The following CD81 variants were observed in gnomAD, a reference collection of about 807,000 sequenced individuals.
The protein encoded by CD81 is CD81 molecule.
In CD81, 10 loss-of-function variants were observed where a neutral mutation model predicts 30.1. The observed-to-expected ratio is 0.33, with a 90% CI of 0.21 to 0.56. The LOEUF (loss-of-function observed/expected upper bound fraction) is 0.56. Among genes scored for constraint, CD81 ranks in the 20% least tolerant of loss-of-function variants. CD81 has a pLI of 0.89. For missense variants in CD81, 263 were observed against 308.7 expected, an observed-to-expected ratio of 0.85 and a Z score of 1.11; for synonymous variants, 147 against 126.4, an observed-to-expected ratio of 1.16 and a Z score of -1.10.
In CD81 at chr11:2,396,709, A is replaced by G; in HGVS notation, c.643A>G (p.Ile215Val). 1 of 1,611,766 alleles carries G rather than the reference A, an allele frequency of 6.2e-7. No homozygotes were observed. The change falls in exon 7 of 8, where the codon ATC (isoleucine) becomes GTC (valine). Residue 215 changes from isoleucine to valine, a missense_variant. This residue lies in a region of CD81 where 176 missense variants were observed against 192.9 expected (regional missense o/e 0.91). Coordinates refer to ENST00000263645, the MANE Select transcript of CD81 (RefSeq NM_004356.4). ...IGIAAIVVAV[I>V]MIFEMILSMV... is the part of the protein sequence containing the mutation. ...CATTGCTGCCATCGTGGTCGCTGTG[A>G]TCATGGTGAGCGGGCGGGGGCGGAG...
chr11:2,394,024 C>A (rs1002124521), intron 2 of CD81, 71 bp from the exon 3 acceptor site: 1 of 1,264,802 alleles, frequency 7.9e-7, no homozygotes, highest in African/African-American at 1.5e-5. Flanking sequence ...GGGTTCGGCA[C>A]CCAGGACCCT....
intron 1 of CD81, among the ~76,000 whole-genome samples, chr11:2,383,007 G>A (rs1849729074): frequency 1.3e-5 from 2 of 152,198 alleles, no homozygotes; most frequent in South Asian, 4.1e-4. Flanking sequence ...CACCCCTGAT[G>A]CCTGGGAGAC....
At chr11:2,376,495 A>C (rs939182575), upstream of CD81, 4 of 152,358 alleles carry the variant, frequency 2.6e-5, no homozygotes, top group African/African-American at 9.6e-5. Flanking sequence ...CACTCTCTGA[A>C]TCATTAGCCC....
At chr11:2,387,460 C>A (rs1364930003) in intron 1 of CD81, among the ~76,000 whole-genome samples, 3 of 152,240 alleles carry the variant, frequency 2.0e-5, no homozygotes, top group South Asian at 2.1e-4. Context: ...CTCGGCCTCG[C>A]CACCTCCTCC....
At chr11:2,390,365 GCTGCAGTGCTCTT>G in intron 1 of CD81, 34 bp from the exon 2 acceptor site, 1 of 1,440,414 alleles carries the variant, frequency 6.9e-7, no homozygotes, top group Non-Finnish European at 9.8e-7. Context: ...CGCACTCCCT[GCTGCAGTGCTCTT>G]CGTACATGTG....
Position 2,396,649 on chromosome 11 carries a change from G to T in CD81, c.583G>T (p.Asp195Tyr). Residue 195 changes from aspartate (D) to tyrosine (Y), a missense_variant, in exon 7 of 8, where the codon GAT (aspartate) becomes TAT (tyrosine). Transcript: ENST00000263645. ...LFKEDCHQKIDDLFSGKLYLI... is the reference protein window; with the variant it reads ...LFKEDCHQKIYDLFSGKLYLI... ...GCAGGAGGACTGCCACCAGAAGATC[G>T]ATGACCTCTTCTCCGGGAAGCTGTA... 1 of 1,611,614 alleles carries T rather than the reference G, an allele frequency of 6.2e-7. No homozygotes were observed.
intron 1 of CD81, among the ~76,000 whole-genome samples, chr11:2,383,699 G>A (rs970536099): frequency 4.6e-5 from 7 of 152,248 alleles, no homozygotes; most frequent in South Asian, 2.1e-4. Flanking sequence ...CTCCCCAAGA[G>A]CATCAAGGGA....
At position 2,378,779 on chromosome 11, in the gene CD81, T is replaced by C. The variant is rs1157681853; in HGVS notation, c.66+1164T>C. 6.6e-6 allele frequency among the ~76,000 whole-genome samples: 1 copy of C among 152,148 alleles called. No homozygotes were observed. The highest frequency in any genetic ancestry group is 2.4e-5 in the African/African-American group (1 of 41,428). On this transcript the variant is annotated intron_variant, in intron 1 of 7. Coordinates refer to ENST00000263645, the MANE Select transcript of CD81 (RefSeq NM_004356.4). The surrounding 1 kb of genome is among the most constrained non-coding windows in gnomAD (Gnocchi z 4.9). Reference sequence around the variant, plus strand: ...GCTGATGTCCCAGTGGACCGAGTGTTTCTCAAGTTGAGGCAGGGAGGGCAA... The same window carrying C: ...GCTGATGTCCCAGTGGACCGAGTGTCTCTCAAGTTGAGGCAGGGAGGGCAA...
intron 1 of CD81, chr11:2,386,062 A>G (rs895222861): frequency 2.8e-6 from 2 of 717,334 alleles, no homozygotes; most frequent in Non-Finnish European, 5.2e-6. Flanking sequence ...CCCCAGCAGC[A>G]TGTGGTGTGG....
intron 5 of CD81, 102 bp downstream of exon 5, chr11:2,395,622 G>A (rs1310033451): frequency 2.1e-6 from 2 of 970,416 alleles, no homozygotes; most frequent in South Asian, 1.3e-5. Flanking sequence ...CTCAGGAGCA[G>A]GAGGTGCCCT....
chr11:2,387,703 CG>C (rs1369271459), intron 1 of CD81, among the ~76,000 whole-genome samples: 1 of 152,168 alleles, frequency 6.6e-6, no homozygotes, highest in African/African-American at 2.4e-5. Flanking sequence ...GAGGGGCACA[CG>C]TGGGGTCCCA....
intron 1 of CD81, chr11:2,390,096 A>C (rs1849870751): frequency 2.0e-6 from 1 of 489,754 alleles, no homozygotes; most frequent in Admixed American, 3.3e-5. Context: ...ACTTACCCTA[A>C]AGAAGTATTC....
chr11:2,395,446 C>T lies in CD81; in HGVS notation c.385C>T (p.Gln129Ter). 6.2e-7 allele frequency: 1 copy of T among 1,612,788 alleles called. No homozygotes were observed. The highest frequency in any genetic ancestry group is 8.5e-7 in the Non-Finnish European group (1 of 1,179,894). ...IAKDVKQFYD[Q>*]ALQQAVVDDD... ...CAAGGATGTGAAGCAGTTCTATGACCAGGCCCTACAGCAGGCCGTGGTGGA... is the reference window on the plus strand; with the variant it reads ...CAAGGATGTGAAGCAGTTCTATGACTAGGCCCTACAGCAGGCCGTGGTGGA... The change falls in exon 5 of 8, where the codon CAG (glutamine) becomes TAG (stop). Residue 129 changes from glutamine (Q) to a stop codon, truncating the protein, a stop_gained. Transcript: ENST00000263645. LOFTEE classifies it high-confidence loss of function.
At chr11:2,395,138 G>A in intron 4 of CD81, 92 bp downstream of exon 4, 1 of 1,086,168 alleles carries the variant, frequency 9.2e-7, no homozygotes, top group South Asian at 1.3e-5. Flanking sequence ...CTCATGGCTT[G>A]TGGGAGCTCT....
In CD81 at chr11:2,397,032, C is replaced by A. The variant is rs1432698291; in HGVS notation, c.*166C>A. 10 of 705,964 alleles carry A rather than the reference C, an allele frequency of 1.4e-5. No homozygotes were observed. Among genetic ancestry groups the A allele is most frequent in the Non-Finnish European group, 2.5e-5 (10 of 405,368 alleles). The allele number at this position is 705,964 out of a possible 1,614,324, so 43.7% of individuals were successfully genotyped here. A position where few individuals can be genotyped will look rare whatever the true frequency, so the allele number is the denominator to read the frequency against. ...GTTTTTGTTCTGAACTTTCCTGTTA[C>A]CTTTTCAGGGCTGACGTCACATGTA... On this transcript the variant is annotated 3_prime_UTR_variant, in exon 8 of 8. Transcript: ENST00000263645.
intron 6 of CD81, 45 bp downstream of exon 6, chr11:2,396,015 G>A (rs368913200): frequency 1.8e-5 from 24 of 1,317,550 alleles, no homozygotes; most frequent in South Asian, 2.3e-5. Flanking sequence ...CGCATGTCCC[G>A]CCCCTGGGTG....
At chr11:2,385,214 C>T (rs932595287) in intron 1 of CD81, among the ~76,000 whole-genome samples, 2 of 152,122 alleles carry the variant, frequency 1.3e-5, no homozygotes, top group Non-Finnish European at 1.5e-5. Flanking sequence ...TTTATTTAGA[C>T]GTGATTGACA....
At chr11:2,379,812 T>G (rs1325064776) in intron 1 of CD81, among the ~76,000 whole-genome samples, 5 of 152,128 alleles carry the variant, frequency 3.3e-5, no homozygotes, top group Non-Finnish European at 7.4e-5. Context: ...ACAGTCACTG[T>G]GGACCCACCC....
intron 1 of CD81, 88 bp from the exon 2 acceptor site, chr11:2,390,324 G>A: frequency 3.0e-6 from 3 of 1,005,340 alleles, no homozygotes; most frequent in Non-Finnish European, 4.7e-6. Flanking sequence ...AGCAAGGCAG[G>A]AGGCTGCTTA....
Sources: allele counts gnomAD v4.1 joint callset (sites outside exome capture counted in the v4.1 genomes callset), GRCh38; gene constraint gnomAD v4.1.1; regional missense constraint gnomAD v4.1.1; non-coding constraint Gnocchi (gnomAD v3.1); transcripts MANE v1.5; gene names NCBI Gene and HGNC (gene_info 2026-07-23, HGNC 2026-07-21).